The following SYT14 variants were observed in gnomAD, a reference collection of about 807,000 sequenced individuals.
SYT14 encodes the protein synaptotagmin-14.
SYT14 carries 32 observed loss-of-function variants against 74.2 expected under a neutral mutation model. The observed-to-expected ratio is 0.43, with a 90% CI of 0.33 to 0.58. SYT14 has a LOEUF of 0.58. SYT14 is among the 20% of genes least tolerant of loss of function. SYT14 has a pLI of 0.05. For missense variants in SYT14, 791 were observed against 981.8 expected (o/e 0.81, Z 2.60); for synonymous variants, 298 against 337.7 (o/e 0.88, Z 1.29).
At chr1:209,978,001 CTCTTGAG>C (rs2079401049) in intron 2 of SYT14, among the ~76,000 whole-genome samples, 1 of 152,186 alleles carries the variant, frequency 6.6e-6, no homozygotes, top group Non-Finnish European at 1.5e-5. Context: ...ATAGAATCAG[CTCTTGAG>C]TCTTGTGCAT....
chr1:209,971,411 C>T (rs1403441529), intron 2 of SYT14, among the ~76,000 whole-genome samples: 1 of 151,804 alleles, frequency 6.6e-6, no homozygotes, highest in East Asian at 1.9e-4. Context: ...GTAGGACTTC[C>T]AGTATTATGT....
At chr1:210,003,183 C>T (rs573029694) in intron 2 of SYT14, among the ~76,000 whole-genome samples, 1 of 152,198 alleles carries the variant, frequency 6.6e-6, no homozygotes, top group Admixed American at 6.5e-5. Flanking sequence ...ATCCCTCACT[C>T]ACCCACTGCT....
chr1:210,032,809 C>T (rs557894724), intron 5 of SYT14, among the ~76,000 whole-genome samples: 43 of 151,926 alleles, frequency 2.8e-4, no homozygotes, highest in African/African-American at 9.9e-4. Context: ...ATACTGTTCT[C>T]CTAGTTTACT....
intron 2 of SYT14, among the ~76,000 whole-genome samples, chr1:209,997,688 A>G (rs1362914732): frequency 6.6e-6 from 1 of 152,106 alleles, no homozygotes; most frequent in African/African-American, 2.4e-5. Flanking sequence ...GCAGACTACT[A>G]CAGAGGGCAT....
At chr1:210,001,406 A>G (rs181632765) in intron 2 of SYT14, among the ~76,000 whole-genome samples, 1 of 152,166 alleles carries the variant, frequency 6.6e-6, no homozygotes, top group Admixed American at 6.5e-5. Context: ...GTGGGGATAA[A>G]TCTAACTCTG....
chr1:209,986,918 G>A (rs1159072704), intron 2 of SYT14, among the ~76,000 whole-genome samples: 1 of 152,058 alleles, frequency 6.6e-6, no homozygotes, highest in Non-Finnish European at 1.5e-5. Context: ...CACCATACCC[G>A]ACCCAATTAT....
chr1:209,974,205 T>G (rs1308380653), intron 2 of SYT14, among the ~76,000 whole-genome samples: 1 of 151,964 alleles, frequency 6.6e-6, no homozygotes, highest in African/African-American at 2.4e-5. Context: ...TGCAGAAGCT[T>G]TTTAGTTTAG....
At chr1:209,947,960 C>T (rs77137939) in intron 1 of SYT14, among the ~76,000 whole-genome samples, 4,141 of 152,204 alleles carry the variant, frequency 0.027, 203 homozygotes, top group African/African-American at 0.094. Context: ...AAGGCCTAGA[C>T]AATCAATAAT....
chr1:209,953,381 A>G, intron 2 of SYT14: 1 of 594,588 alleles, frequency 1.7e-6, no homozygotes, highest in Non-Finnish European at 2.5e-6. Context: ...AAATCATATG[A>G]AGGAAAGATA....
chr1:210,112,447 A>T (rs1206861165), intron 7 of SYT14, among the ~76,000 whole-genome samples: 1 of 151,430 alleles, frequency 6.6e-6, no homozygotes, highest in Non-Finnish European at 1.5e-5. Flanking sequence ...ACAGAATAGA[A>T]TGGGCCTATG....
At chr1:210,097,144 A>G (rs765447535) in intron 6 of SYT14, among the ~76,000 whole-genome samples, 2 of 152,360 alleles carry the variant, frequency 1.3e-5, no homozygotes, top group Middle Eastern at 3.4e-3. Flanking sequence ...CCGATAGCCT[A>G]TGCTAATATA....
At chr1:209,946,631 C>T (rs981508719) in intron 1 of SYT14, among the ~76,000 whole-genome samples, 1 of 152,220 alleles carries the variant, frequency 6.6e-6, no homozygotes, top group Non-Finnish European at 1.5e-5. Context: ...AAGAAGCTAT[C>T]TCCATAACAT....
At chr1:210,010,487 T>A (rs1389117106) in intron 2 of SYT14, among the ~76,000 whole-genome samples, 1 of 152,232 alleles carries the variant, frequency 6.6e-6, no homozygotes, top group Non-Finnish European at 1.5e-5. Flanking sequence ...AATGTACTTT[T>A]ACTATTTATA....
At position 210,100,002 on chromosome 1, in the gene SYT14, C is replaced by A. The variant is rs2082032670; in HGVS notation, c.1585-10C>A. On this transcript the variant is annotated splice_polypyrimidine_tract_variant and intron_variant, in intron 6 of 9. Coordinates refer to ENST00000637265, the Ensembl canonical transcript of SYT14. ...TTAAAAACTCTAACATTTAAATTTT[C>A]TTTTCTTAGGATATGTCAGCTCAAG... The A allele has an allele frequency of 1.2e-6, 2 of 1,612,400 alleles. No individual in the cohort carries two copies. The highest frequency in any genetic ancestry group is 1.7e-6 in the Non-Finnish European group (2 of 1,179,216).
At chr1:210,108,938 T>C (rs2082208566) in intron 7 of SYT14, among the ~76,000 whole-genome samples, 2 of 151,434 alleles carry the variant, frequency 1.3e-5, no homozygotes, top group Non-Finnish European at 2.9e-5. Flanking sequence ...GGGTCCAGAG[T>C]GTGATGGTGG....
chr1:209,965,327 C>A (rs1462496445), intron 2 of SYT14, among the ~76,000 whole-genome samples: 2 of 152,104 alleles, frequency 1.3e-5, no homozygotes, highest in Non-Finnish European at 2.9e-5. Context: ...TTTTCTATTT[C>A]TCCATTAATT....
chr1:209,970,448 G>T (rs945561802), intron 2 of SYT14, among the ~76,000 whole-genome samples: 1 of 152,038 alleles, frequency 6.6e-6, no homozygotes, highest in Non-Finnish European at 1.5e-5. Context: ...GTACCATGCT[G>T]TTCTGGTTAC....
intron 7 of SYT14, among the ~76,000 whole-genome samples, chr1:210,151,535 G>A (rs996202759): frequency 7.8e-6 from 1 of 127,710 alleles, no homozygotes; most frequent in African/African-American, 3.0e-5. Context: ...TTTAACTACA[G>A]TGGTTCTGTT....
intron 2 of SYT14, among the ~76,000 whole-genome samples, chr1:209,963,181 TA>T (rs1262084524): frequency 6.6e-6 from 1 of 152,146 alleles, no homozygotes; most frequent in Non-Finnish European, 1.5e-5. Context: ...GAATAGACAT[TA>T]TAGTTCAGAT....
Sources: gnomAD v4.1 joint callset for allele counts (sites outside exome capture counted in the v4.1 genomes callset) on GRCh38, gnomAD v4.1.1 for gene constraint, MANE v1.5 for transcripts, NCBI Gene and HGNC (gene_info 2026-07-23, HGNC 2026-07-21) for gene names.